Variants in INPP4B observed in about 807,000 individuals in gnomAD.
INPP4B encodes inositol polyphosphate-4-phosphatase type II B.
A neutral mutation model predicts 122.5 loss-of-function variants in INPP4B; 55 were observed. The observed-to-expected ratio is 0.45, with a 90% CI of 0.36 to 0.56. The LOEUF (loss-of-function observed/expected upper bound fraction) is 0.56, where lower values mean the gene tolerates loss of function less well. Among genes scored for constraint, INPP4B ranks in the 20% least tolerant of loss-of-function variants. The pLI is 0.00. For missense variants in INPP4B, 1,000 were observed against 1,097.7 expected (o/e 0.91, Z 1.26); for synonymous variants, 403 against 388.7 (o/e 1.04, Z -0.43).
Position 142,403,116 on chromosome 4 carries a change from C to G in INPP4B, c.256-62G>C. ...GGCAGCAACTGTAGTTGGCAGCACG[C>G]AAGTGACACATGAGAATGCAGAAAG... On this transcript the variant is annotated intron_variant, in intron 6 of 25. Coordinates refer to ENST00000262992, the MANE Select transcript of INPP4B (RefSeq NM_001101669.3). 3.5e-6 allele frequency: 3 copies of G among 852,328 alleles called. No individual in the cohort carries two copies. The South Asian group carries it at 4.0e-5, about 11-fold the overall frequency. The allele number at this position is 852,328 out of a possible 1,614,324, so 52.8% of individuals were successfully genotyped here.
At chr4:142,557,439 C>T (rs952740877) in intron 2 of INPP4B, among the ~76,000 whole-genome samples, 3 of 152,106 alleles carry the variant, frequency 2.0e-5, no homozygotes, top group African/African-American at 7.2e-5. Flanking sequence ...TACCATCTCC[C>T]ACCTCCCACT....
At chr4:142,445,678 C>A (rs1812762156) in intron 3 of INPP4B, among the ~76,000 whole-genome samples, 1 of 152,100 alleles carries the variant, frequency 6.6e-6, no homozygotes, top group African/African-American at 2.4e-5. Context: ...GACAACACTA[C>A]CAACAACTTG....
intron 10 of INPP4B, 23 bp from the exon 11 acceptor site, chr4:142,260,587 A>AC: frequency 1.4e-6 from 2 of 1,470,882 alleles, no homozygotes; most frequent in Non-Finnish European, 1.9e-6. Context: ...GTAAAAAAAA[A>AC]AAAAAAATTT....
At chr4:142,679,559 G>A (rs1253389692) in intron 2 of INPP4B, among the ~76,000 whole-genome samples, 1 of 151,724 alleles carries the variant, frequency 6.6e-6, no homozygotes, top group African/African-American at 2.4e-5. Context: ...TATAGTTGTT[G>A]TGTAGTAAGG....
chr4:142,290,718 C>T lies in INPP4B; in HGVS notation c.503+14740G>A, dbSNP rs1164487163. 4.6e-5 allele frequency among the ~76,000 whole-genome samples: 7 copies of T among 152,286 alleles called. No individual in the cohort carries two copies. In the East Asian group the frequency reaches 1.4e-3, roughly 29 times the overall value. On this transcript the variant is annotated intron_variant, in intron 9 of 25. Transcript: ENST00000262992. ...TCTCCTTTATGTTTTTCCTCTAATG[C>T]CACATTTCCAATGAGATTGGCACTG...
rs377704670 is a variant in INPP4B at position 142,084,976 on chromosome 4, C to T, written c.2487+1168G>A. ...TGAAATTTTTGTTAGAATTAACAAC[C>T]GTAGTGGTCTTAGAAGATACAAAGA... is the stretch of plus-strand genomic sequence containing the variant. On this transcript the variant is annotated intron_variant, in intron 24 of 25. Coordinates refer to ENST00000262992, the MANE Select transcript of INPP4B (RefSeq NM_001101669.3). 1.3e-4 allele frequency among the ~76,000 whole-genome samples: 20 copies of T among 152,136 alleles called. No homozygotes were observed. In the East Asian group the frequency reaches 1.4e-3, roughly 10 times the overall value.
intron 2 of INPP4B, among the ~76,000 whole-genome samples, chr4:142,643,028 C>T (rs1009485090): frequency 6.6e-6 from 1 of 152,146 alleles, no homozygotes; most frequent in African/African-American, 2.4e-5. Flanking sequence ...CACTTTGAAG[C>T]AATTGTGAAT....
intron 2 of INPP4B, among the ~76,000 whole-genome samples, chr4:142,552,114 ATCACTCTTACAG>A (rs1225775530): frequency 6.6e-6 from 1 of 152,180 alleles, no homozygotes; most frequent in Non-Finnish European, 1.5e-5. Context: ...GTACTCTGAA[ATCACTCTTACAG>A]AATTTGAGTA....
In INPP4B at chr4:142,208,464, G is replaced by A; in HGVS notation, c.1033C>T (p.His345Tyr). The change falls in exon 14 of 26, where the codon CAT becomes TAT. Residue 345 changes from histidine (H) to tyrosine (Y), a missense_variant. Coordinates refer to ENST00000262992, the MANE Select transcript of INPP4B (RefSeq NM_001101669.3). The stretch of plus-strand genomic sequence containing the variant: ...CTGTGTACCTGCATTCTTTGCAGAT[G>A]TAGATTTATTGGAACAAATTCTAAT... ...KTLEFVPINL[H>Y]LQRMQVHSPH... 6.2e-7 allele frequency: 1 copy of A among 1,600,716 alleles called. No individual in the cohort carries two copies. Among genetic ancestry groups the A allele is most frequent in the Non-Finnish European group, 8.5e-7 (1 of 1,172,850 alleles).
chr4:142,396,115 CTG>C (rs1370019124), intron 7 of INPP4B, among the ~76,000 whole-genome samples: 1 of 151,934 alleles, frequency 6.6e-6, no homozygotes, highest in Non-Finnish European at 1.5e-5. Context: ...AATTGATAAA[CTG>C]GACTTAATCA....
chr4:142,251,891 T>C (rs1732295902), intron 11 of INPP4B, among the ~76,000 whole-genome samples: 1 of 152,226 alleles, frequency 6.6e-6, no homozygotes, highest in Non-Finnish European at 1.5e-5. Flanking sequence ...GCTATGTCAC[T>C]GCTTAAATGT....
chr4:142,409,128 A>G (rs1161378680), intron 5 of INPP4B, among the ~76,000 whole-genome samples: 1 of 152,170 alleles, frequency 6.6e-6, no homozygotes, highest in Admixed American at 6.5e-5. Flanking sequence ...TCCCCAGCTC[A>G]TATTTGTACA....
At chr4:142,595,793 C>T (rs1220803031) in intron 2 of INPP4B, among the ~76,000 whole-genome samples, 1 of 152,122 alleles carries the variant, frequency 6.6e-6, no homozygotes, top group African/African-American at 2.4e-5. Context: ...CATCATTTTC[C>T]TTATTATAAA....
intron 2 of INPP4B, among the ~76,000 whole-genome samples, chr4:142,725,285 G>A (rs566132170): frequency 5.9e-5 from 9 of 152,140 alleles, no homozygotes; most frequent in South Asian, 4.1e-4. Context: ...AATCAGGCAC[G>A]CTATTCAACA....
intron 1 of INPP4B, among the ~76,000 whole-genome samples, chr4:142,816,011 G>A (rs1780075846): frequency 6.6e-6 from 1 of 152,108 alleles, no homozygotes; most frequent in South Asian, 2.1e-4. Flanking sequence ...AAGTCGTAAT[G>A]CAAAATGTGT....
intron 14 of INPP4B, among the ~76,000 whole-genome samples, chr4:142,197,944 C>T (rs1839047279): frequency 6.6e-6 from 1 of 152,112 alleles, no homozygotes; most frequent in South Asian, 2.1e-4. Flanking sequence ...CAACCTTCAA[C>T]ATCTTAGTCA....
rs1459198259 is a variant in INPP4B at position 142,131,566 on chromosome 4, C to T, written c.1721-6806G>A. On this transcript the variant is annotated intron_variant, in intron 18 of 25. Transcript: ENST00000262992. ...CAAAATTCTGCAAACACAATAGGGC[C>T]TCACGTCCATAGATTTAACTTATAA... is the stretch of plus-strand genomic sequence containing the variant. 2.0e-5 allele frequency among the ~76,000 whole-genome samples: 3 copies of T among 152,178 alleles called. No homozygotes were observed. In the East Asian group the frequency reaches 5.8e-4, roughly 29 times the overall value.
chr4:142,746,303 T>A (rs1768740440), intron 1 of INPP4B, among the ~76,000 whole-genome samples: 1 of 151,940 alleles, frequency 6.6e-6, no homozygotes, highest in African/African-American at 2.4e-5. Flanking sequence ...TACCTAGGAA[T>A]ATGACTTACA....
In INPP4B at chr4:142,400,971, G is replaced by A. The variant is rs1344578542; in HGVS notation, c.372+1967C>T. Among the ~76,000 whole-genome samples, 5 of 152,252 alleles carry A rather than the reference G, an allele frequency of 3.3e-5. No homozygotes were observed. The East Asian group carries it at 9.7e-4, about 29-fold the overall frequency. ...ACTTCTAAATACTTCACAAACCCAA[G>A]AATTTAGGGGCAACATTTTCACTTC... On this transcript the variant is annotated intron_variant, in intron 7 of 25. Transcript: ENST00000262992.
Sources: allele counts gnomAD v4.1 joint callset (sites outside exome capture counted in the v4.1 genomes callset), GRCh38; gene constraint gnomAD v4.1.1; transcripts MANE v1.5; gene names NCBI Gene and HGNC (gene_info 2026-07-23, HGNC 2026-07-21).